DMXL2: variants seen among roughly 807,000 people sequenced by gnomAD.
DMXL2 encodes dmX-like protein 2.
Under a neutral mutation model 331.1 loss-of-function variants are expected in DMXL2, and 103 were observed. That is an observed-to-expected ratio of 0.31 (90% CI 0.27 to 0.37). The LOEUF is 0.37. Among genes scored for constraint, DMXL2 ranks in the 10% least tolerant of loss-of-function variants. The pLI is 1.00. For missense variants in DMXL2, 3,171 were observed against 3,642.9 expected, an observed-to-expected ratio of 0.87 and a Z score of 3.33; for synonymous variants, 1,281 against 1,252.1, an observed-to-expected ratio of 1.02 and a Z score of -0.49.
At chr15:51,512,920 T>C (rs898484003) in intron 15 of DMXL2, among the ~76,000 whole-genome samples, 1 of 152,184 alleles carries the variant, frequency 6.6e-6, no homozygotes, top group Non-Finnish European at 1.5e-5. Flanking sequence ...TGGAGGTTCA[T>C]TTAATTATGC....
intron 38 of DMXL2, 52 bp from the exon 39 acceptor site, chr15:51,456,245 T>C (rs2039612136): frequency 1.2e-6 from 2 of 1,601,356 alleles, no homozygotes; most frequent in African/African-American, 1.4e-5. Context: ...GTTCCAATAT[T>C]TTCTATTCTA....
chr15:51,471,022 AT>A (rs1339930788), intron 29 of DMXL2, among the ~76,000 whole-genome samples, 200 bp downstream of exon 29: 3 of 152,176 alleles, frequency 2.0e-5, no homozygotes, highest in Non-Finnish European at 4.4e-5. Flanking sequence ...TGTGATTTTA[AT>A]TTGTCTCCTA....
intron 1 of DMXL2, among the ~76,000 whole-genome samples, chr15:51,618,865 G>T (rs1160194926): frequency 1.3e-5 from 2 of 151,880 alleles, no homozygotes; most frequent in African/African-American, 4.8e-5. Flanking sequence ...TTTAATCTCT[G>T]CCAGTATATT....
At chr15:51,514,175 G>C (rs1045539818) in intron 15 of DMXL2, among the ~76,000 whole-genome samples, 1 of 152,090 alleles carries the variant, frequency 6.6e-6, no homozygotes, top group Non-Finnish European at 1.5e-5. Context: ...TAATTATAGA[G>C]TTGAAGAAAC....
intron 15 of DMXL2, among the ~76,000 whole-genome samples, chr15:51,507,904 C>T (rs919240976): frequency 6.6e-6 from 1 of 150,758 alleles, no homozygotes; most frequent in African/African-American, 2.4e-5. Flanking sequence ...TAAAAAAAGA[C>T]ATTACTTGTA....
chr15:51,475,587 T>C (rs1595937999), intron 27 of DMXL2, among the ~76,000 whole-genome samples: 2 of 152,008 alleles, frequency 1.3e-5, no homozygotes, highest in East Asian at 3.9e-4. Flanking sequence ...AACTGGCTGG[T>C]ACTCTTCAAA....
At chr15:51,451,836 G>A (rs2039170506) in intron 41 of DMXL2, 139 bp from the exon 42 acceptor site, 2 of 664,030 alleles carry the variant, frequency 3.0e-6, no homozygotes, top group Non-Finnish European at 5.2e-6. Flanking sequence ...AGAGAGTAGT[G>A]ATTCCCAACT....
intron 1 of DMXL2, among the ~76,000 whole-genome samples, chr15:51,586,133 G>C (rs1279558658): frequency 1.3e-5 from 2 of 152,218 alleles, no homozygotes; most frequent in East Asian, 3.9e-4. Flanking sequence ...CATGAAAAAG[G>C]AACTAGACAG....
chr15:51,553,474 G>C (rs1596234556), intron 6 of DMXL2, among the ~76,000 whole-genome samples: 1 of 151,756 alleles, frequency 6.6e-6, no homozygotes, highest in African/African-American at 2.4e-5. Flanking sequence ...CCCGTTATAT[G>C]ATAAAAAAAA....
At chr15:51,473,863 A>G (rs2041336195) in intron 28 of DMXL2, among the ~76,000 whole-genome samples, 1 of 152,228 alleles carries the variant, frequency 6.6e-6, no homozygotes, top group African/African-American at 2.4e-5. Context: ...TAGAATTTAA[A>G]AACTGTGTGT....
chr15:51,498,528 T>C, intron 18 of DMXL2, 24 bp downstream of exon 18: 1 of 1,587,362 alleles, frequency 6.3e-7, no homozygotes, highest in Non-Finnish European at 8.6e-7. Context: ...TACAACTTTA[T>C]AAATTTTTAG....
intron 9 of DMXL2, among the ~76,000 whole-genome samples, chr15:51,538,740 G>A (rs2048420944): frequency 6.6e-6 from 1 of 152,114 alleles, no homozygotes; most frequent in Non-Finnish European, 1.5e-5. Flanking sequence ...CAGAAAAGCA[G>A]CTATAAAAGA....
At chr15:51,531,089 A>G (rs987491549) in intron 13 of DMXL2, among the ~76,000 whole-genome samples, 10 of 152,226 alleles carry the variant, frequency 6.6e-5, no homozygotes, top group Non-Finnish European at 8.8e-5. Flanking sequence ...TCCTAAGCAA[A>G]AAGAACAAAA....
chr15:51,577,841 T>C (rs781450209), intron 1 of DMXL2, among the ~76,000 whole-genome samples: 56 of 152,314 alleles, frequency 3.7e-4, no homozygotes, highest in African/African-American at 1.3e-3. Flanking sequence ...TTAAGTTCCC[T>C]AAGCATTTCC....
intron 19 of DMXL2, among the ~76,000 whole-genome samples, chr15:51,492,311 T>C (rs2042862948): frequency 6.6e-6 from 1 of 152,256 alleles, no homozygotes; most frequent in Non-Finnish European, 1.5e-5. Context: ...CATTCTTCTC[T>C]CTAGCCATGG....
intron 18 of DMXL2, among the ~76,000 whole-genome samples, chr15:51,496,060 G>T (rs761010008): frequency 2.0e-5 from 3 of 151,942 alleles, no homozygotes; most frequent in African/African-American, 7.3e-5. Flanking sequence ...GCCCAAGATG[G>T]TCTAAAAGTC....
chr15:51,609,840 A>G (rs1052040367), intron 1 of DMXL2, among the ~76,000 whole-genome samples: 1 of 152,162 alleles, frequency 6.6e-6, no homozygotes, highest in African/African-American at 2.4e-5. Context: ...GAGGCAGGAA[A>G]ATCACTTAAA....
intron 13 of DMXL2, among the ~76,000 whole-genome samples, chr15:51,521,307 A>G (rs1315452546): frequency 1.3e-5 from 2 of 152,072 alleles, no homozygotes; most frequent in African/African-American, 2.4e-5. Flanking sequence ...AAGTATGGAT[A>G]GTAATATTAC....
At chr15:51,470,298 C>A (rs929320900) in intron 29 of DMXL2, among the ~76,000 whole-genome samples, 1 of 152,044 alleles carries the variant, frequency 6.6e-6, no homozygotes, top group Admixed American at 6.6e-5. Flanking sequence ...ACTGCACCTA[C>A]GTTTTAAAAT....
Sources: allele counts gnomAD v4.1 joint callset (sites outside exome capture counted in the v4.1 genomes callset), GRCh38; gene constraint gnomAD v4.1.1; transcripts MANE v1.5; gene names NCBI Gene and HGNC (gene_info 2026-07-23, HGNC 2026-07-21).